MAPT: variants seen among roughly 807,000 people sequenced by gnomAD.
MAPT encodes microtubule associated protein tau.
MAPT carries 34 observed loss-of-function variants against 67.9 expected under a neutral mutation model. The observed-to-expected ratio is 0.50, with a 90% CI of 0.38 to 0.67. The LOEUF (loss-of-function observed/expected upper bound fraction) is 0.67. MAPT is among the 30% of genes least tolerant of loss of function. The pLI, the probability that MAPT is intolerant of heterozygous loss-of-function variation, is 0.00. For synonymous variants in MAPT, 456 were observed against 464.5 expected, an observed-to-expected ratio of 0.98 and a Z score of 0.23; for missense variants, 881 against 1,115.2, an observed-to-expected ratio of 0.79 and a Z score of 2.99.
chr17:45,958,267 T>G (rs920337850), intron 1 of MAPT, among the ~76,000 whole-genome samples: 3 of 152,136 alleles, frequency 2.0e-5, no homozygotes, highest in Non-Finnish European at 2.9e-5. Context: ...TATATAAAAC[T>G]TAAACCCTGC....
At chr17:46,002,772 C>T (rs376204621) in intron 9 of MAPT, among the ~76,000 whole-genome samples, 3 of 152,120 alleles carry the variant, frequency 2.0e-5, no homozygotes, top group African/African-American at 4.8e-5. Flanking sequence ...GCTTCCTTCC[C>T]TGTGTGTATT....
intron 8 of MAPT, among the ~76,000 whole-genome samples, chr17:45,994,517 A>G (rs554111522): frequency 1.7e-4 from 26 of 152,290 alleles, no homozygotes; most frequent in South Asian, 6.2e-4. Context: ...GTACTACTTC[A>G]GGAACATCCA....
chr17:46,010,007 G>A lies in MAPT; in HGVS notation c.1999-303G>A, dbSNP rs1300361579. On this transcript the variant is annotated intron_variant, in intron 9 of 12. Transcript: ENST00000262410. The surrounding 1 kb of genome is among the most constrained non-coding windows in gnomAD (Gnocchi z 4.7). ...CTCCCCTCTGGGGTTCAGGCCTCAC[G>A]ATGCCATCCTTTTGTGAAGTGAGGA... is the stretch of plus-strand genomic sequence containing the variant. 1.3e-5 allele frequency among the ~76,000 whole-genome samples: 2 copies of A among 152,192 alleles called. No homozygotes were observed. The highest frequency in any genetic ancestry group is 4.8e-5 in the African/African-American group (2 of 41,428).
intron 12 of MAPT, among the ~76,000 whole-genome samples, chr17:46,019,317 C>T (rs2076380285): frequency 6.6e-6 from 1 of 152,126 alleles, no homozygotes; most frequent in African/African-American, 2.4e-5. Flanking sequence ...CCACTGGGTC[C>T]CTCCCATGAC....
intron 2 of MAPT, among the ~76,000 whole-genome samples, chr17:45,970,216 A>T (rs967509597): frequency 1.4e-4 from 21 of 152,220 alleles, no homozygotes; most frequent in African/African-American, 5.1e-4. Context: ...ATATAATTCT[A>T]CATCCAATTA....
chr17:45,973,501 T>C (rs2071953884), intron 3 of MAPT: 1 of 152,238 alleles, frequency 6.6e-6, no homozygotes, highest in Admixed American at 6.5e-5. Flanking sequence ...TCAAGAGCAT[T>C]GGCTCCCACC....
intron 1 of MAPT, among the ~76,000 whole-genome samples, chr17:45,960,335 G>C (rs1183644847): frequency 6.6e-6 from 1 of 152,244 alleles, no homozygotes; most frequent in Non-Finnish European, 1.5e-5. Flanking sequence ...GATGGGACAG[G>C]GCAGCCAGGA....
At chr17:45,932,446 C>T (rs2144709431) in intron 1 of MAPT, among the ~76,000 whole-genome samples, 1 of 151,776 alleles carries the variant, frequency 6.6e-6, no homozygotes, top group East Asian at 2.0e-4. Context: ...AAAAATTAGC[C>T]AGGCATGATG....
rs1276637062 is a variant in MAPT, at chr17:45,962,360, T to A, written c.23T>A (p.Phe8Tyr). 11 of 1,612,138 alleles carry A rather than the reference T, an allele frequency of 6.8e-6. No individual in the cohort carries two copies. The highest frequency in any genetic ancestry group is 8.5e-6 in the Non-Finnish European group (10 of 1,179,890). ...AGGATGGCTGAGCCCCGCCAGGAGT[T>A]CGAAGTGATGGAAGATCACGCTGGG... is the stretch of plus-strand genomic sequence containing the variant. MAEPRQEFEVMEDHAGTY... is the reference protein window; with the variant it reads MAEPRQEYEVMEDHAGTY... The change falls in exon 2 of 13, where the codon TTC becomes TAC. Residue 8 changes from phenylalanine to tyrosine, a missense_variant. Around this residue, in one of 6 missense-constraint regions of MAPT, gnomAD observed 687 missense variants for 766.1 expected, o/e 0.90. Transcript: ENST00000262410.
At position 45,983,264 on chromosome 17, in the gene MAPT, C is replaced by A; in HGVS notation, c.685C>A (p.Pro229Thr). Residue 229 changes from proline (P) to threonine (T), a missense_variant, in exon 5 of 13, where the codon CCT (proline) becomes ACT (threonine). Pro to Thr is a conservative substitution (Grantham distance 38, BLOSUM62 -1). Coordinates refer to ENST00000262410, the MANE Select transcript of MAPT (RefSeq NM_001377265.1). ...GLSHQLMSGM[P>T]GAPLLPEGPR... The stretch of plus-strand genomic sequence containing the variant: ...GAGCCACCAGCTCATGTCCGGCATG[C>A]CTGGGGCTCCCCTCCTGCCTGAGGG... The A allele has an allele frequency of 6.3e-7, 1 of 1,598,764 alleles. No individual in the cohort carries two copies. The highest frequency in any genetic ancestry group is 8.5e-7 in the Non-Finnish European group (1 of 1,172,848).
chr17:45,996,520 G>A lies in MAPT; in HGVS notation c.1854G>A (p.Val618=), dbSNP rs114900761. The part of the protein sequence containing the change: ...PTPPTREPKK[V]AVVRTPPKSP... Reference sequence around the variant, plus strand: ...CACCCACCCGGGAGCCCAAGAAGGTGGCAGTGGTCCGTACTCCACCCAAGT... The same window carrying A: ...CACCCACCCGGGAGCCCAAGAAGGTAGCAGTGGTCCGTACTCCACCCAAGT... Residue 618 remains valine, a synonymous_variant, in exon 9 of 13, where the codon GTG becomes GTA. Coordinates refer to ENST00000262410, the MANE Select transcript of MAPT (RefSeq NM_001377265.1). This position sits in a 1 kb window ranked among gnomAD's most constrained non-coding sequence, Gnocchi z 4.5. 44 of 1,613,592 alleles carry A rather than the reference G, an allele frequency of 2.7e-5. No homozygotes were observed. The African/African-American group carries it at 5.6e-4, about 21-fold the overall frequency.
chr17:45,963,974 C>T (rs1171550077), intron 2 of MAPT, among the ~76,000 whole-genome samples: 1 of 152,100 alleles, frequency 6.6e-6, no homozygotes, highest in African/African-American at 2.4e-5. Context: ...ATTGGGGGAG[C>T]AGGGGCTGCT....
At chr17:45,999,683 G>A (rs748009013) in intron 9 of MAPT, 2 of 1,563,322 alleles carry the variant, frequency 1.3e-6, no homozygotes, top group Admixed American at 3.7e-5. Context: ...GCAGATGGGA[G>A]CCCCAGGTTA....
At chr17:45,950,453 C>T (rs1356435421) in intron 1 of MAPT, among the ~76,000 whole-genome samples, 1 of 148,942 alleles carries the variant, frequency 6.7e-6, no homozygotes, top group African/African-American at 2.4e-5. Flanking sequence ...TCCCTGAGGG[C>T]CTAGGGGTTC....
intron 3 of MAPT, chr17:45,977,559 T>C (rs2072501007): frequency 6.6e-6 from 1 of 152,200 alleles, no homozygotes. Context: ...GATGCAGAAA[T>C]AGGTGTTTTT....
chr17:45,998,985 A>G (rs1042755908), intron 9 of MAPT, among the ~76,000 whole-genome samples: 9 of 151,806 alleles, frequency 5.9e-5, no homozygotes, highest in Non-Finnish European at 1.2e-4. Context: ...GGATCTCCTC[A>G]AGTCACATAA....
At chr17:45,946,577 C>T (rs1388486204) in intron 1 of MAPT, among the ~76,000 whole-genome samples, 9 of 113,298 alleles carry the variant, frequency 7.9e-5, no homozygotes, top group Non-Finnish European at 1.1e-4. Context: ...CCAGCCTGGG[C>T]GACCGAGGGG....
At chr17:46,002,594 G>T (rs1385920274) in intron 9 of MAPT, among the ~76,000 whole-genome samples, 1 of 152,192 alleles carries the variant, frequency 6.6e-6, no homozygotes, top group Non-Finnish European at 1.5e-5. Flanking sequence ...TAGTTGGGAT[G>T]TGAAGACGTG....
At chr17:45,994,022 T>C (rs1163192073) in intron 8 of MAPT, 1 of 1,524,150 alleles carries the variant, frequency 6.6e-7, no homozygotes, top group Non-Finnish European at 8.9e-7. Context: ...CCTTTGCGTG[T>C]GTGGCCATTC....
Sources: gnomAD v4.1 joint callset for allele counts (sites outside exome capture counted in the v4.1 genomes callset) on GRCh38, gnomAD v4.1.1 for gene constraint, gnomAD v4.1.1 regional missense constraint, Gnocchi (gnomAD v3.1) non-coding constraint, MANE v1.5 for transcripts, NCBI Gene and HGNC (gene_info 2026-07-23, HGNC 2026-07-21) for gene names.